The following IVD variants were observed in gnomAD, a reference collection of about 807,000 sequenced individuals.
IVD encodes the protein isovaleryl-CoA dehydrogenase, mitochondrial.
In IVD, 31 loss-of-function variants were observed where a neutral mutation model predicts 51.3. The observed-to-expected ratio is 0.60, with a 90% CI of 0.45 to 0.81. The LOEUF is 0.81. IVD is among the 40% of genes least tolerant of loss of function. IVD has a pLI of 0.00. For synonymous variants in IVD, 205 were observed against 219.4 expected (o/e 0.93, Z 0.58); for missense variants, 475 against 552.0 (o/e 0.86, Z 1.40).
At chr15:40,406,044 G>A in intron 1 of IVD, 73 bp downstream of exon 1, 2 of 1,522,758 alleles carry the variant, frequency 1.3e-6, no homozygotes, top group Non-Finnish European at 1.8e-6. Context: ...CTTCCTGCCT[G>A]GTCCCCATCG....
chr15:40,429,076 G>A (rs541820429), downstream of IVD, among the ~76,000 whole-genome samples: 4 of 152,098 alleles, frequency 2.6e-5, no homozygotes, highest in Admixed American at 6.5e-5. Flanking sequence ...CCTCCGCCCA[G>A]CCTGCCCACT....
In IVD at chr15:40,410,621, C is replaced by G; in HGVS notation, c.287-7C>G. 1 of 1,614,204 alleles carries G rather than the reference C, an allele frequency of 6.2e-7. No homozygotes were observed. Among genetic ancestry groups the G allele is most frequent in the Non-Finnish European group, 8.5e-7 (1 of 1,180,030 alleles). The stretch of plus-strand genomic sequence containing the variant: ...TTTTCCACTCCCTTGTACCACACCA[C>G]TCACAGTTCAGTATGGCGGCTCCGG... On this transcript the variant is annotated splice_region_variant and splice_polypyrimidine_tract_variant and intron_variant, in intron 3 of 11. Coordinates refer to ENST00000487418, the MANE Select transcript of IVD (RefSeq NM_002225.5).
At chr15:40,406,345 G>A (rs1395900157) in intron 1 of IVD, 6 of 1,331,550 alleles carry the variant, frequency 4.5e-6, no homozygotes, top group Non-Finnish European at 5.9e-6. Flanking sequence ...ACCTGAACAG[G>A]CTGAGGTATG....
intron 3 of IVD, among the ~76,000 whole-genome samples, chr15:40,410,336 G>A (rs1890930510): frequency 6.6e-6 from 1 of 152,166 alleles, no homozygotes; most frequent in Non-Finnish European, 1.5e-5. Flanking sequence ...TTTCTGAGTA[G>A]TGGGTGCTCA....
downstream of IVD, among the ~76,000 whole-genome samples, chr15:40,429,401 C>CG (rs1432294659): frequency 1.3e-5 from 2 of 152,186 alleles, no homozygotes; most frequent in African/African-American, 2.4e-5. Flanking sequence ...AAAAAGTTTA[C>CG]GAGTTAGTTG....
At chr15:40,412,477 G>T in intron 6 of IVD, 1 of 190,662 alleles carries the variant, frequency 5.2e-6, no homozygotes, top group South Asian at 1.1e-4. Flanking sequence ...GAAATCTCAA[G>T]GTTGCGTGAT....
Position 40,418,360 on chromosome 15 carries a change from T to C in IVD, c.*97T>C. 1.3e-6 allele frequency: 2 copies of C among 1,598,710 alleles called. No homozygotes were observed. The highest frequency in any genetic ancestry group is 1.7e-6 in the Non-Finnish European group (2 of 1,176,078). On this transcript the variant is annotated 3_prime_UTR_variant, in exon 12 of 12. Transcript: ENST00000487418. ...CCACCCTGCCCACAGCAGGCCCTCC[T>C]GCCCAGCTGCTCTTGTCAGCCCTCT...
chr15:40,418,710 C>G lies in IVD; in HGVS notation c.*447C>G, dbSNP rs79191320. On this transcript the variant is annotated 3_prime_UTR_variant, in exon 12 of 12. Transcript: ENST00000487418. The stretch of plus-strand genomic sequence containing the variant: ...GCTCAAGCACAGCAGAATCATGGCC[C>G]CTCTCCATGAATTGGAACTTGGTAC... 5.1e-3 allele frequency: 5,694 copies of G among 1,108,146 alleles called. 249 individuals carry two copies. In the African/African-American group the frequency reaches 0.088, roughly 17 times the overall value. The allele number at this position is 1,108,146 out of a possible 1,614,324, so 68.6% of individuals were successfully genotyped here.
At position 40,420,937 on chromosome 15, in the gene IVD, G is replaced by A. The variant is rs1892243210; in HGVS notation, c.*2674G>A. The A allele has an allele frequency of 3.0e-6, 3 of 985,552 alleles. No homozygotes were observed. The highest frequency in any genetic ancestry group is 1.1e-4 in the East Asian group (1 of 8,820). The allele number at this position is 985,552 out of a possible 1,614,324, so 61.1% of individuals were successfully genotyped here. The stretch of plus-strand genomic sequence containing the variant: ...GGTTTTCTTGGTTCTCAGCCCAGCA[G>A]CACCTATCCTGGCTCTTGGTCCTGG... On this transcript the variant is annotated 3_prime_UTR_variant, in exon 12 of 12. Transcript: ENST00000487418.
chr15:40,411,735 A>G, intron 6 of IVD, 44 bp downstream of exon 6: 1 of 1,598,782 alleles, frequency 6.3e-7, no homozygotes, highest in Non-Finnish European at 8.6e-7. Context: ...CTGCCTCCTG[A>G]CAGTGGTACC....
At chr15:40,431,034 A>C (rs1892941726) in intron 7 of IVD, among the ~76,000 whole-genome samples, 2 of 152,150 alleles carry the variant, frequency 1.3e-5, no homozygotes, top group Admixed American at 1.3e-4. Context: ...AAGAGTAGAG[A>C]ATTGTTTGGG....
chr15:40,427,519 C>T (rs1892739152), downstream of IVD, among the ~76,000 whole-genome samples: 1 of 152,216 alleles, frequency 6.6e-6, no homozygotes, highest in Admixed American at 6.5e-5. Context: ...GTTTTCAGGA[C>T]AACCTGCCCC....
intron 8 of IVD, 94 bp from the exon 9 acceptor site, chr15:40,415,307 C>T: frequency 8.9e-7 from 1 of 1,123,414 alleles, no homozygotes; most frequent in South Asian, 1.3e-5. Flanking sequence ...CTTTTCTCCT[C>T]CCTGGGATTC....
chr15:40,418,859 G>T lies in IVD; in HGVS notation c.*596G>T. On this transcript the variant is annotated 3_prime_UTR_variant, in exon 12 of 12. Transcript: ENST00000487418. ...AATAATAAACCTAGCCTAGCCAGGCGTGGTGGCTCATGCTTGTAATCCCAG... is the reference window on the plus strand; with the variant it reads ...AATAATAAACCTAGCCTAGCCAGGCTTGGTGGCTCATGCTTGTAATCCCAG... 1.3e-6 allele frequency: 1 copy of T among 790,852 alleles called. No individual in the cohort carries two copies. The allele number at this position is 790,852 out of a possible 1,614,324, so 49.0% of individuals were successfully genotyped here. A position where few individuals can be genotyped will look rare whatever the true frequency, so the allele number is the denominator to read the frequency against.
Position 40,418,857 on chromosome 15 carries a change from G to T in IVD, c.*594G>T, listed in dbSNP as rs149755898. On this transcript the variant is annotated 3_prime_UTR_variant, in exon 12 of 12. Transcript: ENST00000487418. Reference sequence around the variant, plus strand: ...AAAATAATAAACCTAGCCTAGCCAGGCGTGGTGGCTCATGCTTGTAATCCC... The same window carrying T: ...AAAATAATAAACCTAGCCTAGCCAGTCGTGGTGGCTCATGCTTGTAATCCC... The T allele has an allele frequency of 3.7e-6, 3 of 803,986 alleles. No homozygotes were observed. Among genetic ancestry groups the T allele is most frequent in the African/African-American group, 3.6e-5 (2 of 55,238 alleles). 49.8% of individuals were successfully genotyped at this position (803,986 alleles called of 1,614,324 possible).
In IVD at chr15:40,416,202, G is replaced by A. The variant is rs375899713; in HGVS notation, c.1065+20G>A. The A allele has an allele frequency of 1.3e-5, 21 of 1,612,804 alleles. No homozygotes were observed. Among genetic ancestry groups the A allele is most frequent in the African/African-American group, 5.3e-5 (4 of 75,056 alleles). ...GCTAAGGTGAGGGCCAGCCTCAGTC[G>A]GGGAGAGGCGGGGGCAGTGGACCAG... On this transcript the variant is annotated intron_variant, in intron 10 of 11. Coordinates refer to ENST00000487418, the MANE Select transcript of IVD (RefSeq NM_002225.5).
chr15:40,407,126 G>A (rs1890527412), intron 1 of IVD, among the ~76,000 whole-genome samples: 1 of 152,174 alleles, frequency 6.6e-6, no homozygotes, highest in Non-Finnish European at 1.5e-5. Context: ...GCCTCCCAAA[G>A]TGCTGGGATT....
At chr15:40,410,001 T>C (rs1457395486) in intron 3 of IVD, among the ~76,000 whole-genome samples, 2 of 152,090 alleles carry the variant, frequency 1.3e-5, no homozygotes, top group Non-Finnish European at 2.9e-5. Context: ...CATGCCCGGC[T>C]AATTTTTTGT....
rs1890597173 is a variant in IVD, at chr15:40,407,705, A to C, written c.214A>C (p.Asn72His). Residue 72 changes from asparagine to histidine, a missense_variant, in exon 2 of 12, where the codon AAT (asparagine) becomes CAT (histidine). By Grantham distance (68) the Asn-to-His change is moderately conservative. Coordinates refer to ENST00000487418, the MANE Select transcript of IVD (RefSeq NM_002225.5). ...APKAQEIDRS[N>H]EFKNLREFWK... Reference sequence around the variant, plus strand: ...CAAGGCCCAGGAGATCGATCGCAGCAATGAGTTCAAGAACCTGCGAGTGAG... The same window carrying C: ...CAAGGCCCAGGAGATCGATCGCAGCCATGAGTTCAAGAACCTGCGAGTGAG... 2 of 1,614,078 alleles carry C rather than the reference A, an allele frequency of 1.2e-6. No individual in the cohort carries two copies. The highest frequency in any genetic ancestry group is 1.7e-6 in the Non-Finnish European group (2 of 1,180,032).
Sources: gnomAD v4.1 joint callset for allele counts (sites outside exome capture counted in the v4.1 genomes callset) on GRCh38, gnomAD v4.1.1 for gene constraint, MANE v1.5 for transcripts, NCBI Gene and HGNC (gene_info 2026-07-23, HGNC 2026-07-21) for gene names.